KIF5A: variants seen among roughly 807,000 people sequenced by gnomAD.
KIF5A encodes the protein kinesin heavy chain isoform 5A.
In KIF5A, 35 loss-of-function variants were observed where a neutral mutation model predicts 141.3. The observed-to-expected ratio is 0.25, with a 90% CI of 0.19 to 0.33. The LOEUF (loss-of-function observed/expected upper bound fraction) is 0.33. KIF5A is among the 10% of genes least tolerant of loss of function. KIF5A has a pLI of 1.00. For missense variants in KIF5A, 861 were observed against 1,314.3 expected, an observed-to-expected ratio of 0.66 and a Z score of 5.33; for synonymous variants, 448 against 500.2, an observed-to-expected ratio of 0.90 and a Z score of 1.39.
chr12:57,567,565 G>A lies in KIF5A; in HGVS notation c.661G>A (p.Glu221Lys). Reference sequence around the variant, plus strand: ...CATCAAGCAGGAGAACATGGAAACGGAGCAGAAGCTCAGTGGGAAGCTGTA... The same window carrying A: ...CATCAAGCAGGAGAACATGGAAACGAAGCAGAAGCTCAGTGGGAAGCTGTA... ...INIKQENMET[E>K]QKLSGKLYLV... Residue 221 changes from glutamate (E) to lysine (K), a missense_variant, in exon 8 of 29, where the codon GAG becomes AAG. By Grantham distance (56) the Glu-to-Lys change is moderately conservative. This residue lies in a region of KIF5A where 146 missense variants were observed against 353.4 expected (regional missense o/e 0.41). Transcript: ENST00000455537. 1 of 1,613,570 alleles carries A rather than the reference G, an allele frequency of 6.2e-7. No homozygotes were observed. The highest frequency in any genetic ancestry group is 8.5e-7 in the Non-Finnish European group (1 of 1,179,796).
intron 4 of KIF5A, 43 bp from the exon 5 acceptor site, chr12:57,564,417 A>G (rs1882001606): frequency 7.0e-7 from 1 of 1,438,748 alleles, no homozygotes; most frequent in Non-Finnish European, 9.8e-7. Flanking sequence ...TAGATTTAAG[A>G]TAGGCCCTCT....
In KIF5A at chr12:57,575,098, T is replaced by A. The variant is rs555833807; in HGVS notation, c.1731T>A (p.Ser577Arg). ...AATCACCTTAGCCAGTGGAGATCAG[T>A]GGGGCCATCGAGGAGGAGTTCACTG... Reference protein sequence around the residue: ...NGEIKLPVEISGAIEEEFTVA... With the variant: ...NGEIKLPVEIRGAIEEEFTVA... The change falls in exon 16 of 29, where the codon AGT (serine) becomes AGA (arginine). Residue 577 changes from serine to arginine, a missense_variant. Ser to Arg is a moderately radical substitution (Grantham distance 110, BLOSUM62 -1). Coordinates refer to ENST00000455537, the MANE Select transcript of KIF5A (RefSeq NM_004984.4). 1.1e-5 allele frequency: 17 copies of A among 1,614,066 alleles called. No individual in the cohort carries two copies. The South Asian group carries it at 1.9e-4, about 18-fold the overall frequency.
At chr12:57,580,929 ACTT>A (rs761172116) in intron 23 of KIF5A, 24 bp from the exon 24 acceptor site, 12 of 1,610,504 alleles carry the variant, frequency 7.5e-6, no homozygotes, top group Admixed American at 1.7e-5. Context: ...CTTCCTTTCC[ACTT>A]CTTCCCTTTG....
intron 11 of KIF5A, 129 bp from the exon 12 acceptor site, chr12:57,569,858 T>C: frequency 7.3e-7 from 1 of 1,367,178 alleles, no homozygotes; most frequent in Admixed American, 2.4e-5. Flanking sequence ...ACTACCTACC[T>C]CCCATACTCC....
At chr12:57,581,682 C>T in intron 25 of KIF5A, 114 bp downstream of exon 25, 1 of 1,327,618 alleles carries the variant, frequency 7.5e-7, no homozygotes, top group Non-Finnish European at 1.1e-6. Flanking sequence ...AACCCTTTCT[C>T]AACTTCATGC....
At chr12:57,582,001 T>A (rs1386150183) in intron 26 of KIF5A, 49 bp downstream of exon 26, 1 of 1,447,710 alleles carries the variant, frequency 6.9e-7, no homozygotes, top group Non-Finnish European at 9.7e-7. Context: ...TCAGGGCAAG[T>A]TGAGAGGCAT....
chr12:57,575,228 G>A lies in KIF5A; in HGVS notation c.1861G>A (p.Val621Met). 1.2e-6 allele frequency: 2 copies of A among 1,613,920 alleles called. No individual in the cohort carries two copies. Among genetic ancestry groups the A allele is most frequent in the Admixed American group, 1.7e-5 (1 of 59,978 alleles). Reference protein sequence around the residue: ...LQVECHRKMEVTGRELSSCQL... With the variant: ...LQVECHRKMEMTGRELSSCQL... ...GGTGGAGTGTCACCGCAAGATGGAA[G>A]TGACCGGGCGGGAGCTCTCATCCTG... is the stretch of plus-strand genomic sequence containing the variant. Residue 621 changes from valine to methionine, a missense_variant, in exon 16 of 29, where the codon GTG (valine) becomes ATG (methionine). Val to Met is a conservative substitution (Grantham distance 21, BLOSUM62 1). Around this residue, in one of 5 missense-constraint regions of KIF5A, gnomAD observed 482 missense variants for 661.3 expected, o/e 0.73. Transcript: ENST00000455537.
chr12:57,572,712 G>T lies in KIF5A; in HGVS notation c.1702G>T (p.Gly568Trp). Residue 568 changes from glycine (G) to tryptophan (W), a missense_variant, in exon 15 of 29, where the codon GGG becomes TGG. Coordinates refer to ENST00000455537, the MANE Select transcript of KIF5A (RefSeq NM_004984.4). This position sits in a 1 kb window ranked among gnomAD's most constrained non-coding sequence, Gnocchi z 4.2. ...LSEFSVIVGN[G>W]EIKLPVEISG... ...CGAGTTCAGTGTCATTGTGGGCAAC[G>T]GGGAGATTAAGCTGGTGAGTGGTGA... 1 of 1,614,162 alleles carries T rather than the reference G, an allele frequency of 6.2e-7. No individual in the cohort carries two copies. Among genetic ancestry groups the T allele is most frequent in the East Asian group, 2.2e-5 (1 of 44,888 alleles).
In KIF5A at chr12:57,569,944, C is replaced by T. The variant is rs373100778; in HGVS notation, c.1118-43C>T. On this transcript the variant is annotated intron_variant, in intron 11 of 28. Coordinates refer to ENST00000455537, the MANE Select transcript of KIF5A (RefSeq NM_004984.4). Reference sequence around the variant, plus strand: ...GAGAAGGAAGAACTCGTGGATGCAGCTTCTTCTTCTTCCATCTCTCACCTC... The same window carrying T: ...GAGAAGGAAGAACTCGTGGATGCAGTTTCTTCTTCTTCCATCTCTCACCTC... The T allele has an allele frequency of 3.3e-5, 53 of 1,598,100 alleles. No homozygotes were observed. The Middle Eastern group carries it at 7.1e-4, about 21-fold the overall frequency.
intron 1 of KIF5A, among the ~76,000 whole-genome samples, chr12:57,561,407 A>T (rs1881906071): frequency 6.6e-6 from 1 of 152,214 alleles, no homozygotes; most frequent in African/African-American, 2.4e-5. Flanking sequence ...CAGTATGGAC[A>T]TTTAAATATT....
In KIF5A at chr12:57,564,122, C is replaced by G; in HGVS notation, c.306C>G (p.Asp102Glu). 1 of 1,613,800 alleles carries G rather than the reference C, an allele frequency of 6.2e-7. No homozygotes were observed. The highest frequency in any genetic ancestry group is 8.5e-7 in the Non-Finnish European group (1 of 1,179,706). ...TCACTCGCCAGGGAAAGCTGCACGA[C>G]CCTCAGCTGATGGGAATCATTCCTC... is the stretch of plus-strand genomic sequence containing the variant. Reference protein sequence around the residue: ...KTHTMEGKLHDPQLMGIIPRI... With the variant: ...KTHTMEGKLHEPQLMGIIPRI... The change falls in exon 4 of 29, where the codon GAC becomes GAG. Residue 102 changes from aspartate (D) to glutamate (E), a missense_variant. Asp to Glu is a conservative substitution (Grantham distance 45, BLOSUM62 2). This residue lies in a region of KIF5A where 146 missense variants were observed against 353.4 expected (regional missense o/e 0.41). Transcript: ENST00000455537.
At chr12:57,577,657 A>T in intron 20 of KIF5A, 56 bp from the exon 21 acceptor site, 1 of 1,282,712 alleles carries the variant, frequency 7.8e-7, no homozygotes, top group Non-Finnish European at 1.1e-6. Flanking sequence ...AGGAAGAGGC[A>T]GGAGGAAGGA....
At position 57,577,722 on chromosome 12, in the gene KIF5A, C is replaced by T. The variant is rs919085412; in HGVS notation, c.2310C>T (p.Tyr770=). ...ATTTCTCTTGCTACAGATTTCTGTA[C>T]GAGCGACATGAGCAGTCCAAGCAGG... ...STKLQELTFL[Y]ERHEQSKQDL... is the part of the protein sequence containing the mutation. Residue 770 remains tyrosine, a synonymous_variant, in exon 21 of 29, where the codon TAC becomes TAT. Coordinates refer to ENST00000455537, the MANE Select transcript of KIF5A (RefSeq NM_004984.4). 1.5e-5 allele frequency: 24 copies of T among 1,613,598 alleles called. No individual in the cohort carries two copies. Among genetic ancestry groups the T allele is most frequent in the African/African-American group, 2.7e-5 (2 of 74,910 alleles).
rs535639743 is a variant in KIF5A at position 57,555,717 on chromosome 12, T to C, written c.129+5317T>C. On this transcript the variant is annotated intron_variant, in intron 1 of 28. Transcript: ENST00000455537. ...CAAGGTCAGGAGTTCGACACCAGCATGGCCAACATGGTGAAACCCTGTCTG... is the reference window on the plus strand; with the variant it reads ...CAAGGTCAGGAGTTCGACACCAGCACGGCCAACATGGTGAAACCCTGTCTG... 4.0e-4 allele frequency among the ~76,000 whole-genome samples: 60 copies of C among 151,884 alleles called. No individual in the cohort carries two copies. In the South Asian group the frequency reaches 0.012, roughly 32 times the overall value.
chr12:57,563,476 A>T lies in KIF5A; in HGVS notation c.167A>T (p.Asn56Ile). 6.2e-7 allele frequency: 1 copy of T among 1,613,886 alleles called. No individual in the cohort carries two copies. The highest frequency in any genetic ancestry group is 8.5e-7 in the Non-Finnish European group (1 of 1,179,850). ...PYVFDRVFPP[N>I]TTQEQVYHAC... ...GTTTTTGACCGTGTATTCCCCCCAA[A>T]CACGACTCAAGAGCAAGTTTATCAT... Residue 56 changes from asparagine (N) to isoleucine (I), a missense_variant, in exon 2 of 29, where the codon AAC (asparagine) becomes ATC (isoleucine). Physicochemically the swap from Asn to Ile is moderately radical, Grantham distance 149. Around this residue, in one of 5 missense-constraint regions of KIF5A, gnomAD observed 59 missense variants for 81.1 expected, o/e 0.73. Coordinates refer to ENST00000455537, the MANE Select transcript of KIF5A (RefSeq NM_004984.4).
chr12:57,550,303 A>C lies in KIF5A; in HGVS notation c.32A>C (p.Lys11Thr), dbSNP rs748864821. The C allele has an allele frequency of 5.0e-6, 8 of 1,614,078 alleles. No homozygotes were observed. The highest frequency in any genetic ancestry group is 6.8e-6 in the Non-Finnish European group (8 of 1,180,014). The change falls in exon 1 of 29, where the codon AAG becomes ACG. Residue 11 changes from lysine to threonine, a missense_variant. Around this residue, in one of 5 missense-constraint regions of KIF5A, gnomAD observed 59 missense variants for 81.1 expected, o/e 0.73. Coordinates refer to ENST00000455537, the MANE Select transcript of KIF5A (RefSeq NM_004984.4). This position sits in a 1 kb window ranked among gnomAD's most constrained non-coding sequence, Gnocchi z 4.6. Reference protein sequence around the residue: MAETNNECSIKVLCRFRPLNQ... With the variant: MAETNNECSITVLCRFRPLNQ... Reference sequence around the variant, plus strand: ...GAGACCAACAACGAATGTAGCATCAAGGTGCTCTGCCGATTCCGGCCCCTG... The same window carrying C: ...GAGACCAACAACGAATGTAGCATCACGGTGCTCTGCCGATTCCGGCCCCTG...
chr12:57,582,807 G>C, intron 27 of KIF5A, 178 bp downstream of exon 27: 1 of 673,058 alleles, frequency 1.5e-6, no homozygotes, highest in South Asian at 1.7e-5. Context: ...CCTCAGTGCA[G>C]AATATCTCCC....
At chr12:57,568,352 G>A (rs113364770) in intron 8 of KIF5A, among the ~76,000 whole-genome samples, 1,705 of 152,150 alleles carry the variant, frequency 0.011, 26 homozygotes, top group Non-Finnish European at 0.019. Context: ...ACTCTCCATT[G>A]TCCCCTAACC....
intron 20 of KIF5A, among the ~76,000 whole-genome samples, 192 bp from the exon 21 acceptor site, chr12:57,577,521 A>C (rs1168942240): frequency 6.6e-6 from 1 of 152,140 alleles, no homozygotes; most frequent in Non-Finnish European, 1.5e-5. Flanking sequence ...CCTTGAGCCC[A>C]GGAGGTTGAG....
Sources: allele counts gnomAD v4.1 joint callset (sites outside exome capture counted in the v4.1 genomes callset), GRCh38; gene constraint gnomAD v4.1.1; regional missense constraint gnomAD v4.1.1; non-coding constraint Gnocchi (gnomAD v3.1); transcripts MANE v1.5; gene names NCBI Gene and HGNC (gene_info 2026-07-23, HGNC 2026-07-21).